The following PIK3C2G variants were observed in gnomAD, a reference collection of about 807,000 sequenced individuals.
PIK3C2G encodes phosphatidylinositol-4-phosphate 3-kinase catalytic subunit type 2 gamma.
A neutral mutation model predicts 181.1 loss-of-function variants in PIK3C2G; 168 were observed. The ratio of observed to expected loss-of-function variants is 0.93; its 90% confidence interval spans 0.82 to 1.05. The LOEUF is 1.05. PIK3C2G is among the 50% of genes least tolerant of loss of function. The probability of loss-of-function intolerance (pLI) is 0.00; values close to 1 mark genes in which losing one functional copy is unlikely to be tolerated. For missense variants in PIK3C2G, 1,869 were observed against 1,732.8 expected (o/e 1.08, Z -1.40); for synonymous variants, 573 against 592.2 (o/e 0.97, Z 0.47).
intron 23 of PIK3C2G, 44 bp downstream of exon 23, chr12:18,503,461 G>A: frequency 7.2e-7 from 1 of 1,390,402 alleles, no homozygotes; most frequent in Non-Finnish European, 9.8e-7. Context: ...ACTTAAATAA[G>A]AATATGCTCT....
the PIK3C2G span, among the ~76,000 whole-genome samples, chr12:18,721,361 G>C: frequency 6.6e-6 from 1 of 152,126 alleles, no homozygotes; most frequent in Admixed American, 6.6e-5. Flanking sequence ...GCCTTAATAA[G>C]ACACCAAAGT....
intron 13 of PIK3C2G, among the ~76,000 whole-genome samples, chr12:18,373,854 A>G (rs1942248473): frequency 6.6e-6 from 1 of 151,492 alleles, no homozygotes; most frequent in South Asian, 2.1e-4. Context: ...CTCCGTCTAA[A>G]AAAAAAAAAA....
In PIK3C2G at chr12:18,497,675, C is replaced by T; in HGVS notation, c.2943C>T (p.Asp981=). The change falls in exon 22 of 33, where the codon GAC becomes GAT. Residue 981 remains aspartate, a synonymous_variant. Coordinates refer to ENST00000538779, the MANE Select transcript of PIK3C2G (RefSeq NM_001288772.2). ...TTCTGCAGCTTATTCAAGTGATGGA[C>T]AATATTTGGCTGCAGGAAGGCTTGG... ...MLVLQLIQVM[D]NIWLQEGLDM... is the part of the protein sequence containing the mutation. The T allele has an allele frequency of 6.2e-7, 1 of 1,612,024 alleles. No individual in the cohort carries two copies.
intron 8 of PIK3C2G, among the ~76,000 whole-genome samples, chr12:18,330,931 C>G (rs1937889985): frequency 6.6e-6 from 1 of 152,130 alleles, no homozygotes; most frequent in Non-Finnish European, 1.5e-5. Context: ...TTTATTTTTA[C>G]TTTACAGTTT....
Position 18,303,973 on chromosome 12 carries a change from A to T in PIK3C2G, c.1034+9958A>T, listed in dbSNP as rs557037571. On this transcript the variant is annotated intron_variant, in intron 5 of 32. Coordinates refer to ENST00000538779, the MANE Select transcript of PIK3C2G (RefSeq NM_001288772.2). The stretch of plus-strand genomic sequence containing the variant: ...AAAAAAAGAAATTCTACAGTAATTA[A>T]AAATTTTACTTGGAAGTAGTTATAT... Among the ~76,000 whole-genome samples, 7 of 152,166 alleles carry T rather than the reference A, an allele frequency of 4.6e-5. No individual in the cohort carries two copies. In the East Asian group the frequency reaches 1.4e-3, roughly 29 times the overall value.
At position 18,488,523 on chromosome 12, in the gene PIK3C2G, G is replaced by A; in HGVS notation, c.2579G>A (p.Cys860Tyr). The change falls in exon 19 of 33, where the codon TGT (cysteine) becomes TAT (tyrosine). Residue 860 changes from cysteine to tyrosine, a missense_variant. Physicochemically the swap from Cys to Tyr is radical, Grantham distance 194 (BLOSUM62 -2). Coordinates refer to ENST00000538779, the MANE Select transcript of PIK3C2G (RefSeq NM_001288772.2). ...AAGCTACTAGCTGCTCTCCAATTCTGTGCAGGTAAAGCCTTGAATGATGAG... is the reference window on the plus strand; with the variant it reads ...AAGCTACTAGCTGCTCTCCAATTCTATGCAGGTAAAGCCTTGAATGATGAG... ...YQKLLAALQF[C>Y]AGKALNDEFS... 1 of 1,590,888 alleles carries A rather than the reference G, an allele frequency of 6.3e-7. No individual in the cohort carries two copies. Among genetic ancestry groups the A allele is most frequent in the Non-Finnish European group, 8.6e-7 (1 of 1,168,788 alleles).
At chr12:18,475,477 T>C (rs1350980418) in intron 18 of PIK3C2G, among the ~76,000 whole-genome samples, 1 of 151,324 alleles carries the variant, frequency 6.6e-6, no homozygotes. Context: ...TAAAATGACA[T>C]GGCTTATCTG....
intron 30 of PIK3C2G, among the ~76,000 whole-genome samples, chr12:18,599,262 T>C (rs1263364634): frequency 6.6e-6 from 1 of 152,068 alleles, no homozygotes; most frequent in Non-Finnish European, 1.5e-5. Flanking sequence ...TGTCCAACAA[T>C]GAAAGACTGG....
intron 11 of PIK3C2G, among the ~76,000 whole-genome samples, chr12:18,361,004 C>T (rs1050751203): frequency 5.3e-5 from 8 of 151,962 alleles, no homozygotes; most frequent in Non-Finnish European, 8.8e-5. Flanking sequence ...AATCCCATAA[C>T]GATACATTGA....
At chr12:18,267,215 G>A (rs1948540882) in intron 1 of PIK3C2G, among the ~76,000 whole-genome samples, 1 of 151,932 alleles carries the variant, frequency 6.6e-6, no homozygotes, top group South Asian at 2.1e-4. Flanking sequence ...TTTTAAATAT[G>A]TGACTGAATT....
At chr12:18,579,958 C>A (rs887132860) in intron 29 of PIK3C2G, among the ~76,000 whole-genome samples, 1 of 152,096 alleles carries the variant, frequency 6.6e-6, no homozygotes, top group African/African-American at 2.4e-5. Context: ...CATGGTGAAA[C>A]CCTGTGTCTA....
At chr12:18,657,814 T>C in the PIK3C2G span, among the ~76,000 whole-genome samples, 4 of 151,864 alleles carry the variant, frequency 2.6e-5, no homozygotes, top group East Asian at 7.7e-4. Context: ...GTATGGCCCA[T>C]ACACAGAAAA....
At chr12:18,725,695 C>G in the PIK3C2G span, among the ~76,000 whole-genome samples, 2 of 152,098 alleles carry the variant, frequency 1.3e-5, no homozygotes, top group African/African-American at 4.8e-5. Context: ...CTCCTTCCAC[C>G]TCACACTTCA....
Position 18,433,530 on chromosome 12 carries a change from A to T in PIK3C2G, c.2504+9491A>T, listed in dbSNP as rs118125432. Among the ~76,000 whole-genome samples the T allele has an allele frequency of 9.2e-3, 1,396 of 152,300 alleles. 9 individuals carry two copies. The highest frequency in any genetic ancestry group is 0.014 in the Non-Finnish European group (955 of 68,024). On this transcript the variant is annotated intron_variant, in intron 18 of 32. Transcript: ENST00000538779. ...GAAAGAGCTAGACTCCATCTCGAAA[A>T]AAATAAATAAATAAAAATAAAACAT...
chr12:18,335,549 T>A (rs1938451906), intron 8 of PIK3C2G, among the ~76,000 whole-genome samples: 1 of 152,122 alleles, frequency 6.6e-6, no homozygotes, highest in Admixed American at 6.6e-5. Flanking sequence ...TTGCATTTCC[T>A]CTGGGAAGCT....
chr12:18,660,553 A>G, the PIK3C2G span, among the ~76,000 whole-genome samples: 1 of 152,120 alleles, frequency 6.6e-6, no homozygotes, highest in African/African-American at 2.4e-5. Flanking sequence ...GGAAATTAGA[A>G]AGTAACTGTG....
intron 31 of PIK3C2G, among the ~76,000 whole-genome samples, chr12:18,639,450 T>G (rs1014473919): frequency 6.6e-6 from 1 of 152,150 alleles, no homozygotes; most frequent in African/African-American, 2.4e-5. Flanking sequence ...AAGCACTTAA[T>G]TCCTCAAATT....
chr12:18,712,952 C>G, the PIK3C2G span: 1 of 1,613,932 alleles, frequency 6.2e-7, no homozygotes, highest in Non-Finnish European at 8.5e-7. Flanking sequence ...TCCCAGCAGT[C>G]AATCTCCAAA....
the PIK3C2G span, among the ~76,000 whole-genome samples, chr12:18,664,497 C>G: frequency 6.6e-6 from 1 of 151,998 alleles, no homozygotes; most frequent in Non-Finnish European, 1.5e-5. Flanking sequence ...GGGCATTATG[C>G]TAAGTGAAAT....
Sources: gnomAD v4.1 joint callset for allele counts (sites outside exome capture counted in the v4.1 genomes callset) on GRCh38, gnomAD v4.1.1 for gene constraint, MANE v1.5 for transcripts, NCBI Gene and HGNC (gene_info 2026-07-23, HGNC 2026-07-21) for gene names.